The following CCDC180 variants were observed in gnomAD, a reference collection of about 807,000 sequenced individuals.
CCDC180 encodes coiled-coil domain containing 180.
CCDC180 carries 154 observed loss-of-function variants against 209.2 expected under a neutral mutation model. The observed-to-expected ratio is 0.74, with a 90% CI of 0.65 to 0.84. The LOEUF is 0.84. Among genes scored for constraint, CCDC180 ranks in the 40% least tolerant of loss-of-function variants. CCDC180 has a pLI of 0.00. For missense variants in CCDC180, 1,874 were observed against 1,997.3 expected (o/e 0.94, Z 1.18); for synonymous variants, 778 against 749.1 (o/e 1.04, Z -0.63).
At chr9:97,335,504 G>C (rs997284912) in intron 18 of CCDC180, among the ~76,000 whole-genome samples, 36 of 152,288 alleles carry the variant, frequency 2.4e-4, no homozygotes, top group Admixed American at 1.6e-3. Flanking sequence ...CAAAGGACAT[G>C]AACTCATCCT....
chr9:97,357,931 A>G (rs563091639), intron 25 of CCDC180: 49 of 479,200 alleles, frequency 1.0e-4, no homozygotes, highest in African/African-American at 9.0e-4. Context: ...TTCACCTCCA[A>G]CCCCTCCCAG....
intron 4 of CCDC180, 28 bp downstream of exon 4, chr9:97,312,229 G>T (rs767137154): frequency 3.1e-6 from 5 of 1,600,530 alleles, no homozygotes; most frequent in Non-Finnish European, 4.3e-6. Context: ...CTCAAGGCAG[G>T]CCTGTCCTGG....
chr9:97,343,533 C>T lies in CCDC180; in HGVS notation c.2468C>T (p.Pro823Leu). 1 of 1,613,030 alleles carries T rather than the reference C, an allele frequency of 6.2e-7. No homozygotes were observed. The highest frequency in any genetic ancestry group is 8.5e-7 in the Non-Finnish European group (1 of 1,179,398). The change falls in exon 19 of 37, where the codon CCA becomes CTA. Residue 823 changes from proline to leucine, a missense_variant. Coordinates refer to ENST00000529487, the MANE Select transcript of CCDC180 (RefSeq NM_020893.6). ...AAGTTCATAGAACAAGTGACAATTC[C>T]ATCGAGACTAATTTTAGAAATTAAG... ...SAKFIEQVTI[P>L]SRLILEIKKQ... is the part of the protein sequence containing the mutation.
intron 5 of CCDC180, among the ~76,000 whole-genome samples, chr9:97,313,593 C>G (rs1448217603): frequency 6.6e-6 from 1 of 152,192 alleles, no homozygotes; most frequent in African/African-American, 2.4e-5. Context: ...GCAGTGAGGC[C>G]CAGAGAGTCT....
chr9:97,341,048 A>G (rs1826062707), intron 18 of CCDC180, among the ~76,000 whole-genome samples: 1 of 152,164 alleles, frequency 6.6e-6, no homozygotes, highest in African/African-American at 2.4e-5. Flanking sequence ...TAATGGTGTA[A>G]GCTGTCTTTC....
At position 97,330,416 on chromosome 9, in the gene CCDC180, T is replaced by C; in HGVS notation, c.1923T>C (p.Ser641=). The C allele has an allele frequency of 6.2e-7, 1 of 1,614,014 alleles. No individual in the cohort carries two copies. Among genetic ancestry groups the C allele is most frequent in the Non-Finnish European group, 8.5e-7 (1 of 1,179,998 alleles). ...TGACCAGAAGTGAGGAAAGCATAAG[T>C]AGTGGGACAAGTACTGCCAGGTCAG... The part of the protein sequence containing the change: ...EDMTRSEESI[S]SGTSTARSVE... Residue 641 remains serine (S), a synonymous_variant, in exon 18 of 37, where the codon AGT becomes AGC. Coordinates refer to ENST00000529487, the MANE Select transcript of CCDC180 (RefSeq NM_020893.6).
In CCDC180 at chr9:97,377,461, A is replaced by C. The variant is rs1447721442; in HGVS notation, c.*567A>C. 6.6e-6 allele frequency: 1 copy of C among 152,206 alleles called. No individual in the cohort carries two copies. The highest frequency in any genetic ancestry group is 2.4e-5 in the African/African-American group (1 of 41,358). 9.4% of individuals were successfully genotyped at this position (152,206 alleles called of 1,614,324 possible). On this transcript the variant is annotated 3_prime_UTR_variant, in exon 37 of 37. Transcript: ENST00000529487. ...TTCTCTTGGAGTCCTCCAGCCTGCC[A>C]GTCTCTTGTTCGTCAACTCTCTTCT...
At chr9:97,361,930 G>A (rs1826765957) in intron 27 of CCDC180, 32 bp downstream of exon 27, 1 of 1,605,002 alleles carries the variant, frequency 6.2e-7, no homozygotes, top group African/African-American at 1.3e-5. Context: ...CTAAGGCTCT[G>A]CCACCCCTGC....
chr9:97,313,957 C>T (rs1833072472), intron 5 of CCDC180, among the ~76,000 whole-genome samples: 1 of 152,210 alleles, frequency 6.6e-6, no homozygotes, highest in Non-Finnish European at 1.5e-5. Flanking sequence ...GTGCCCAAAG[C>T]ACCAAGAACA....
chr9:97,372,811 G>C (rs139990383), intron 34 of CCDC180: 1 of 152,214 alleles, frequency 6.6e-6, no homozygotes, highest in South Asian at 2.1e-4. Context: ...TCTTTAAGTC[G>C]AGACTGCTGT....
Position 97,326,607 on chromosome 9 carries a change from CAAAG to C in CCDC180, c.1603_1606del (p.Glu535HisfsTer13), listed in dbSNP as rs754068137. 1.1e-5 allele frequency: 18 copies of C among 1,613,810 alleles called. No individual in the cohort carries two copies. In the African/African-American group the frequency reaches 1.3e-4, roughly 12 times the overall value. ...TGGACCAACTGAGGCAGCAAAGTGACAAAGAAACACTGGCGTTTCACCTGGAAAA... is the reference window on the plus strand; with the variant it reads ...TGGACCAACTGAGGCAGCAAAGTGACAAACACTGGCGTTTCACCTGGAAAA... On this transcript the variant is annotated frameshift_variant, in exon 15 of 37. Coordinates refer to ENST00000529487, the MANE Select transcript of CCDC180 (RefSeq NM_020893.6). LOFTEE classifies it high-confidence loss of function.
At chr9:97,339,803 C>T (rs1023718808) in intron 18 of CCDC180, among the ~76,000 whole-genome samples, 1 of 152,198 alleles carries the variant, frequency 6.6e-6, no homozygotes, top group Non-Finnish European at 1.5e-5. Context: ...ACCAGTCAAA[C>T]ATTGACTTGG....
At position 97,363,987 on chromosome 9, in the gene CCDC180, A is replaced by G; in HGVS notation, c.3903-64A>G. 2.0e-6 allele frequency: 3 copies of G among 1,497,812 alleles called. 1 individual carries two copies. The highest frequency in any genetic ancestry group is 2.8e-6 in the Non-Finnish European group (3 of 1,082,504). The allele number at this position is 1,497,812 out of a possible 1,614,324, so 92.8% of individuals were successfully genotyped here. A position where few individuals can be genotyped will look rare whatever the true frequency, so the allele number is the denominator to read the frequency against. Reference sequence around the variant, plus strand: ...CCAGAAACCCAGGCAGGGATCCTGCAGGCTCAGACCTGCCTTGCGTCTGTC... The same window carrying G: ...CCAGAAACCCAGGCAGGGATCCTGCGGGCTCAGACCTGCCTTGCGTCTGTC... On this transcript the variant is annotated intron_variant, in intron 28 of 36. Coordinates refer to ENST00000529487, the MANE Select transcript of CCDC180 (RefSeq NM_020893.6).
chr9:97,340,089 T>A (rs1826031984), intron 18 of CCDC180, among the ~76,000 whole-genome samples: 1 of 152,208 alleles, frequency 6.6e-6, no homozygotes. Flanking sequence ...TTAGCTTCCT[T>A]GCATTAGGTT....
chr9:97,318,730 A>G (rs1833262869), intron 10 of CCDC180, 148 bp downstream of exon 10: 3 of 1,059,692 alleles, frequency 2.8e-6, no homozygotes, highest in African/African-American at 1.6e-5. Context: ...CACCTGGACC[A>G]TTTCAGCCCC....
chr9:97,321,421 A>G (rs1833355309), intron 11 of CCDC180, among the ~76,000 whole-genome samples: 1 of 152,214 alleles, frequency 6.6e-6, no homozygotes, highest in East Asian at 1.9e-4. Context: ...AGAAGGGTTT[A>G]GTGGCACAGA....
At chr9:97,312,414 A>G (rs558176769) in intron 4 of CCDC180, among the ~76,000 whole-genome samples, 1 of 152,254 alleles carries the variant, frequency 6.6e-6, no homozygotes, top group African/African-American at 2.4e-5. Flanking sequence ...AGCCGCCTGC[A>G]TGGAGGGCAG....
At chr9:97,355,747 GT>G (rs1826564600) in intron 24 of CCDC180, among the ~76,000 whole-genome samples, 4 of 152,314 alleles carry the variant, frequency 2.6e-5, no homozygotes, top group African/African-American at 9.6e-5. Flanking sequence ...AGGTGGCTGC[GT>G]GGGGATTGAG....
At chr9:97,375,842 G>T in intron 36 of CCDC180, 1 of 512,814 alleles carries the variant, frequency 2.0e-6, no homozygotes, top group South Asian at 2.9e-5. Flanking sequence ...ACCCAGATTA[G>T]GGGTGAAGGC....
Sources: allele counts gnomAD v4.1 joint callset (sites outside exome capture counted in the v4.1 genomes callset), GRCh38; gene constraint gnomAD v4.1.1; transcripts MANE v1.5; gene names NCBI Gene and HGNC (gene_info 2026-07-23, HGNC 2026-07-21).